The following PTH1R variants were observed in gnomAD, a reference collection of about 807,000 sequenced individuals.
The protein encoded by PTH1R is parathyroid hormone 1 receptor, also known as parathyroid hormone/parathyroid hormone-related peptide receptor.
In PTH1R, 32 loss-of-function variants were observed where a neutral mutation model predicts 70.7. The observed-to-expected ratio is 0.45, with a 90% confidence interval of 0.34 to 0.61. The LOEUF (loss-of-function observed/expected upper bound fraction) is 0.61. PTH1R is among the 20% of genes least tolerant of loss of function. The probability of loss-of-function intolerance (pLI) is 0.01; values close to 1 mark genes in which losing one functional copy is unlikely to be tolerated. For synonymous variants in PTH1R, 329 were observed against 324.8 expected (o/e 1.01, Z -0.14); for missense variants, 626 against 792.5 (o/e 0.79, Z 2.52).
chr3:46,898,455 C>A lies in PTH1R; in HGVS notation c.621C>A (p.Leu207=), dbSNP rs769985719. 51 of 1,613,944 alleles carry A rather than the reference C, an allele frequency of 3.2e-5. No homozygotes were observed. The highest frequency in any genetic ancestry group is 4.2e-5 in the Non-Finnish European group (49 of 1,180,026). ...TGGCGTCCCTCACCGTAGCTGTGCT[C>A]ATCCTGGCCTACTTTAGGTGGGCGG... ...VSLASLTVAV[L]ILAYFRRLHC... Residue 207 remains leucine, a synonymous_variant, in exon 8 of 16, where the codon CTC becomes CTA. Coordinates refer to ENST00000449590, the MANE Select transcript of PTH1R (RefSeq NM_000316.3).
At position 46,901,536 on chromosome 3, in the gene PTH1R, C is replaced by A; in HGVS notation, c.1116+56C>A. Reference sequence around the variant, plus strand: ...GTGGGTGGGATGTGCGCCTGCGTCCCCTGGAACCAGCCCCTGACAGGGACC... The same window carrying A: ...GTGGGTGGGATGTGCGCCTGCGTCCACTGGAACCAGCCCCTGACAGGGACC... On this transcript the variant is annotated intron_variant, in intron 12 of 15. Coordinates refer to ENST00000449590, the MANE Select transcript of PTH1R (RefSeq NM_000316.3). This position sits in a 1 kb window ranked among gnomAD's most constrained non-coding sequence, Gnocchi z 7.3. 2 of 1,545,472 alleles carry A rather than the reference C, an allele frequency of 1.3e-6. No individual in the cohort carries two copies. Among genetic ancestry groups the A allele is most frequent in the Admixed American group, 3.9e-5 (2 of 51,070 alleles).
rs906763456 is a variant in PTH1R at position 46,893,268 on chromosome 3, C to A, written c.76-639C>A. Among the ~76,000 whole-genome samples, 1 of 152,088 alleles carries A rather than the reference C, an allele frequency of 6.6e-6. No homozygotes were observed. The highest frequency in any genetic ancestry group is 1.5e-5 in the Non-Finnish European group (1 of 68,002). ...GCAGTGGAATGAGAGGGACTCCCAC[C>A]CCCAGCCAGCACCAGAGTGCCCAGC... On this transcript the variant is annotated intron_variant, in intron 3 of 15. Coordinates refer to ENST00000449590, the MANE Select transcript of PTH1R (RefSeq NM_000316.3). The surrounding 1 kb of genome is among the most constrained non-coding windows in gnomAD (Gnocchi z 5.2).
At chr3:46,899,908 G>A (rs531969500) in intron 10 of PTH1R, among the ~76,000 whole-genome samples, 8 of 152,336 alleles carry the variant, frequency 5.3e-5, no homozygotes, top group Non-Finnish European at 8.8e-5. Context: ...GCAGGCCTGC[G>A]GGGTCCATGG....
At chr3:46,880,516 G>T (rs1408962763) in intron 1 of PTH1R, among the ~76,000 whole-genome samples, 1 of 152,192 alleles carries the variant, frequency 6.6e-6, no homozygotes, top group African/African-American at 2.4e-5. Flanking sequence ...GAGGCAGGTG[G>T]ATCACTTGAG....
At position 46,879,999 on chromosome 3, in the gene PTH1R, AC is replaced by A. The variant is rs774014594; in HGVS notation, c.-105-1062del. ...GGTTGCAGTCAGCCGAGATCGCACC[AC>A]TGCACTCCAGCCTGGCCAACAGCCC... On this transcript the variant is annotated intron_variant, in intron 1 of 15. Transcript: ENST00000449590. This position sits in a 1 kb window ranked among gnomAD's most constrained non-coding sequence, Gnocchi z 4.7. Among the ~76,000 whole-genome samples, 3 of 152,148 alleles carry A rather than the reference AC, an allele frequency of 2.0e-5. No individual in the cohort carries two copies. The highest frequency in any genetic ancestry group is 4.4e-5 in the Non-Finnish European group (3 of 68,022).
intron 3 of PTH1R, among the ~76,000 whole-genome samples, chr3:46,890,300 T>G (rs1420447939): frequency 6.6e-6 from 1 of 152,006 alleles, no homozygotes; most frequent in Non-Finnish European, 1.5e-5. Context: ...TCTACCCAGA[T>G]AATCTCCCCC....
At position 46,901,661 on chromosome 3, in the gene PTH1R, C is replaced by T; in HGVS notation, c.1117-105C>T. On this transcript the variant is annotated intron_variant, in intron 12 of 15. Transcript: ENST00000449590. This position sits in a 1 kb window ranked among gnomAD's most constrained non-coding sequence, Gnocchi z 7.3. ...AAGGAAAACCAAGGGCTCAAGGAGCCACCCAGAGATGCAGTGACAGAGCAG... is the reference window on the plus strand; with the variant it reads ...AAGGAAAACCAAGGGCTCAAGGAGCTACCCAGAGATGCAGTGACAGAGCAG... 1.4e-6 allele frequency: 2 copies of T among 1,413,390 alleles called. No individual in the cohort carries two copies. Among genetic ancestry groups the T allele is most frequent in the East Asian group, 2.3e-5 (1 of 43,068 alleles). The allele number at this position is 1,413,390 out of a possible 1,614,324, so 87.6% of individuals were successfully genotyped here.
chr3:46,889,541 T>G (rs2031266019), intron 3 of PTH1R, among the ~76,000 whole-genome samples: 1 of 152,150 alleles, frequency 6.6e-6, no homozygotes. Flanking sequence ...ACTCTTGGCC[T>G]CAGTGTCCCT....
rs200399311 is a variant in PTH1R, at chr3:46,903,441, C to T, written c.1567C>T (p.Leu523=). ...CGGCCTGCCCCTCAGCCCCCGCCTA[C>T]TGCCCACTGCCACCACCAACGGCCA... ...GLGLPLSPRL[L]PTATTNGHPQ... The change falls in exon 16 of 16, where the codon CTG becomes TTG. Residue 523 remains leucine, a synonymous_variant. Transcript: ENST00000449590. This position sits in a 1 kb window ranked among gnomAD's most constrained non-coding sequence, Gnocchi z 4.4. 6.2e-7 allele frequency: 1 copy of T among 1,613,514 alleles called. No homozygotes were observed. Among genetic ancestry groups the T allele is most frequent in the East Asian group, 2.2e-5 (1 of 44,884 alleles).
rs960397194 is a variant in PTH1R, at chr3:46,896,098, A to G, written c.313+229A>G. Among the ~76,000 whole-genome samples the G allele has an allele frequency of 1.2e-4, 18 of 152,158 alleles. No individual in the cohort carries two copies. Among genetic ancestry groups the G allele is most frequent in the African/African-American group, 3.4e-4 (14 of 41,422 alleles). On this transcript the variant is annotated intron_variant, in intron 5 of 15. Coordinates refer to ENST00000449590, the MANE Select transcript of PTH1R (RefSeq NM_000316.3). The surrounding 1 kb of genome is among the most constrained non-coding windows in gnomAD (Gnocchi z 4.1). ...TGAACAGAGAACTCTCCAGCACCAC[A>G]CCAAGAGTGGACCCAGGGCTACGGT...
rs1317052765 is a variant in PTH1R, at chr3:46,891,353, C to T, written c.76-2554C>T. On this transcript the variant is annotated intron_variant, in intron 3 of 15. Transcript: ENST00000449590. The surrounding 1 kb of genome is among the most constrained non-coding windows in gnomAD (Gnocchi z 4.3). ...GGTGTGTTGGTCAGCTTTCGGTGGT[C>T]AGGCTGCCCAATGGCCACTCAGTTT... is the stretch of plus-strand genomic sequence containing the variant. 6.6e-6 allele frequency among the ~76,000 whole-genome samples: 1 copy of T among 152,216 alleles called. No individual in the cohort carries two copies. The highest frequency in any genetic ancestry group is 1.9e-4 in the East Asian group (1 of 5,194).
chr3:46,893,447 C>T lies in PTH1R; in HGVS notation c.76-460C>T, dbSNP rs966725190. Among the ~76,000 whole-genome samples, 1 of 152,122 alleles carries T rather than the reference C, an allele frequency of 6.6e-6. No individual in the cohort carries two copies. The highest frequency in any genetic ancestry group is 1.5e-5 in the Non-Finnish European group (1 of 68,008). On this transcript the variant is annotated intron_variant, in intron 3 of 15. Coordinates refer to ENST00000449590, the MANE Select transcript of PTH1R (RefSeq NM_000316.3). This position sits in a 1 kb window ranked among gnomAD's most constrained non-coding sequence, Gnocchi z 5.2. Reference sequence around the variant, plus strand: ...GGAAACTGGTGACTCCCAAGACCCCCCAGGGTGCCAGGACTTGAAGGACTC... The same window carrying T: ...GGAAACTGGTGACTCCCAAGACCCCTCAGGGTGCCAGGACTTGAAGGACTC...
At chr3:46,880,522 T>C (rs2030485533) in intron 1 of PTH1R, among the ~76,000 whole-genome samples, 1 of 152,132 alleles carries the variant, frequency 6.6e-6, no homozygotes, top group Non-Finnish European at 1.5e-5. Flanking sequence ...GGTGGATCAC[T>C]TGAGGTCAGG....
chr3:46,897,418 C>T (rs1257940673), intron 5 of PTH1R, among the ~76,000 whole-genome samples: 1 of 152,200 alleles, frequency 6.6e-6, no homozygotes, highest in Non-Finnish European at 1.5e-5. Context: ...TTGGGGCACA[C>T]CTGTCCCTGC....
chr3:46,882,624 G>T lies in PTH1R; in HGVS notation c.-48-888G>T, dbSNP rs1173473772. 6.6e-6 allele frequency among the ~76,000 whole-genome samples: 1 copy of T among 151,864 alleles called. No individual in the cohort carries two copies. Among genetic ancestry groups the T allele is most frequent in the Admixed American group, 6.5e-5 (1 of 15,274 alleles). On this transcript the variant is annotated intron_variant, in intron 2 of 15. Coordinates refer to ENST00000449590, the MANE Select transcript of PTH1R (RefSeq NM_000316.3). The surrounding 1 kb of genome is among the most constrained non-coding windows in gnomAD (Gnocchi z 4.3). ...TCGCCAGCCCCGCGCCGCTCGGCTC[G>T]GTGGCTTTTTTGGAAACTTGCAAAT...
Position 46,898,846 on chromosome 3 carries a change from G to A in PTH1R, c.823G>A (p.Ala275Thr). The A allele has an allele frequency of 6.5e-7, 1 of 1,547,838 alleles. No individual in the cohort carries two copies. The highest frequency in any genetic ancestry group is 2.4e-5 in the East Asian group (1 of 41,338). The change falls in exon 9 of 16, where the codon GCT becomes ACT. Residue 275 changes from alanine to threonine, a missense_variant. This residue lies in a region of PTH1R where 495 missense variants were observed against 638.7 expected (regional missense o/e 0.77). Coordinates refer to ENST00000449590, the MANE Select transcript of PTH1R (RefSeq NM_000316.3). ...GGCGCCCCCGCCGCCTGCCACCGCC[G>A]CTGCCGGCTACGTGAGTACCCCTCT... ...AQAPPPPATA[A>T]AGYAGCRVAV...
rs374289125 is a variant in PTH1R, at chr3:46,895,645, G to T, written c.179-90G>T. 16 of 1,600,672 alleles carry T rather than the reference G, an allele frequency of 1.0e-5. No homozygotes were observed. The East Asian group carries it at 1.1e-4, about 11-fold the overall frequency. The stretch of plus-strand genomic sequence containing the variant: ...CAGGGCAGGAGACAACCCCCCCATT[G>T]TACAAAGGGGGAGTCTGAGGCCAAA... On this transcript the variant is annotated intron_variant, in intron 4 of 15. Coordinates refer to ENST00000449590, the MANE Select transcript of PTH1R (RefSeq NM_000316.3).
intron 5 of PTH1R, 116 bp from the exon 6 acceptor site, chr3:46,897,734 AAAAAC>A (rs569588765): frequency 4.9e-5 from 49 of 995,460 alleles, no homozygotes; most frequent in Admixed American, 1.2e-4. Context: ...TCCGTCTCAA[AAAAAC>A]AAAACAAAAC....
In PTH1R at chr3:46,902,041, G is replaced by A. The variant is rs2032159633; in HGVS notation, c.1211+181G>A. 6.6e-6 allele frequency among the ~76,000 whole-genome samples: 1 copy of A among 152,174 alleles called. No individual in the cohort carries two copies. Among genetic ancestry groups the A allele is most frequent in the African/African-American group, 2.4e-5 (1 of 41,440 alleles). On this transcript the variant is annotated intron_variant, in intron 13 of 15. Coordinates refer to ENST00000449590, the MANE Select transcript of PTH1R (RefSeq NM_000316.3). The surrounding 1 kb of genome is among the most constrained non-coding windows in gnomAD (Gnocchi z 5.4). ...CCCAGCAGTGATGGGAGGCCCTAGG[G>A]CACCCCAAAGCCAGCCTGCCCACTT...
Sources: allele counts gnomAD v4.1 joint callset (sites outside exome capture counted in the v4.1 genomes callset), GRCh38; gene constraint gnomAD v4.1.1; regional missense constraint gnomAD v4.1.1; non-coding constraint Gnocchi (gnomAD v3.1); transcripts MANE v1.5; gene names NCBI Gene and HGNC (gene_info 2026-07-23, HGNC 2026-07-21).